MTMR12: variants seen among roughly 807,000 people sequenced by gnomAD.
MTMR12 encodes the protein myotubularin-related protein 12.
Under a neutral mutation model 96.7 loss-of-function variants are expected in MTMR12, and 33 were observed. That is an observed-to-expected ratio of 0.34 (90% confidence interval 0.26 to 0.46). The LOEUF (loss-of-function observed/expected upper bound fraction) is 0.46, where lower values mean the gene tolerates loss of function less well. MTMR12 is among the 20% of genes least tolerant of loss of function. The pLI, the probability that MTMR12 is intolerant of heterozygous loss-of-function variation, is 1.00. For missense variants in MTMR12, 721 were observed against 896.1 expected, an observed-to-expected ratio of 0.80 and a Z score of 2.49; for synonymous variants, 298 against 327.2, an observed-to-expected ratio of 0.91 and a Z score of 0.96.
chr5:32,259,864 C>T (rs1212745280), intron 7 of MTMR12, among the ~76,000 whole-genome samples: 2 of 151,826 alleles, frequency 1.3e-5, no homozygotes, highest in Non-Finnish European at 2.9e-5. Flanking sequence ...GGTGAAACCC[C>T]GTCTCTACCA....
rs1244420476 is a variant in MTMR12, at chr5:32,228,516, AATATATATCATATATATGAT to A, written c.*1242_*1261del. Reference sequence around the variant, plus strand: ...AAGTATACTTTCCTGCATTAAAAAAAATATATATCATATATATGATATATATATCATATATATGTGATATA... The same window carrying A: ...AAGTATACTTTCCTGCATTAAAAAAAATATATATCATATATATGTGATATA... On this transcript the variant is annotated 3_prime_UTR_variant, in exon 16 of 16. Coordinates refer to ENST00000382142, the MANE Select transcript of MTMR12 (RefSeq NM_001040446.3). 3.6e-4 allele frequency: 39 copies of A among 108,226 alleles called. No homozygotes were observed. The highest frequency in any genetic ancestry group is 1.0e-3 in the South Asian group (3 of 2,936). 6.7% of individuals were successfully genotyped at this position (108,226 alleles called of 1,614,324 possible). A position where few individuals can be genotyped will look rare whatever the true frequency, so the allele number is the denominator to read the frequency against.
intron 15 of MTMR12, among the ~76,000 whole-genome samples, chr5:32,232,804 A>G (rs1222350848): frequency 6.6e-6 from 1 of 152,224 alleles, no homozygotes; most frequent in Non-Finnish European, 1.5e-5. Flanking sequence ...AGCAGCCAAC[A>G]TCGTCTCTGC....
rs1240355563 is a variant in MTMR12, at chr5:32,246,171, T to TTTTTTTTTTTTTG, written c.1021+1830_1021+1831insCAAAAAAAAAAAA. 2.1e-3 allele frequency among the ~76,000 whole-genome samples: 265 copies of TTTTTTTTTTTTTG among 123,480 alleles called. 5 individuals are homozygous for TTTTTTTTTTTTTG. The highest frequency in any genetic ancestry group is 9.3e-3 in the African/African-American group (238 of 25,582). 81.0% of individuals were successfully genotyped at this position (123,480 alleles called of 152,430 possible). On this transcript the variant is annotated intron_variant, in intron 10 of 15. Coordinates refer to ENST00000382142, the MANE Select transcript of MTMR12 (RefSeq NM_001040446.3). ...GTTTCGGTGCCTATTGAGTAGACAG[T>TTTTTTTTTTTTTG]TTTTTTTTTTTTTGAGATGGAGTCT...
At position 32,229,587 on chromosome 5, in the gene MTMR12, G is replaced by C. The variant is rs184629783; in HGVS notation, c.*191C>G. On this transcript the variant is annotated 3_prime_UTR_variant, in exon 16 of 16. Transcript: ENST00000382142. ...TTCCAATTAGTAATACTACAGATGC[G>C]GTTTTAATTGCATAGTCTTTTAGAA... is the stretch of plus-strand genomic sequence containing the variant. The C allele has an allele frequency of 2.2e-6, 1 of 460,902 alleles. No homozygotes were observed. Among genetic ancestry groups the C allele is most frequent in the Non-Finnish European group, 3.7e-6 (1 of 273,434 alleles). 28.6% of individuals were successfully genotyped at this position (460,902 alleles called of 1,614,324 possible). A position where few individuals can be genotyped will look rare whatever the true frequency, so the allele number is the denominator to read the frequency against.
chr5:32,233,831 G>T lies in MTMR12; in HGVS notation c.1616C>A (p.Pro539His), dbSNP rs759787590. The part of the protein sequence containing the change: ...EPKAQTLLKN[P>H]LYVEKPKLDK... ...CAGTTTTGGCTTTTCCACATAAAGA[G>T]GGTTTTTGAGCAATGTCTGGGCTTT... The change falls in exon 15 of 16, where the codon CCT becomes CAT. Residue 539 changes from proline (P) to histidine (H), a missense_variant. Pro to His is a moderately conservative substitution (Grantham distance 77). Transcript: ENST00000382142. The surrounding 1 kb of genome is among the most constrained non-coding windows in gnomAD (Gnocchi z 5.0). 11 of 1,614,186 alleles carry T rather than the reference G, an allele frequency of 6.8e-6. 1 individual carries two copies. The South Asian group carries it at 1.2e-4, about 18-fold the overall frequency.
chr5:32,279,070 C>G (rs1750175648), intron 1 of MTMR12, among the ~76,000 whole-genome samples: 1 of 78,718 alleles, frequency 1.3e-5, no homozygotes, highest in Non-Finnish European at 2.3e-5. Context: ...GAGCGAAACT[C>G]TGTCTCAAAA....
chr5:32,250,089 T>TA (rs1358181685), intron 8 of MTMR12, among the ~76,000 whole-genome samples: 3 of 152,172 alleles, frequency 2.0e-5, no homozygotes, highest in African/African-American at 4.8e-5. Context: ...GACCGAGAGT[T>TA]AGAGATCGGC....
chr5:32,277,709 A>C (rs2112098149), intron 1 of MTMR12, among the ~76,000 whole-genome samples: 1 of 152,274 alleles, frequency 6.6e-6, no homozygotes, highest in South Asian at 2.1e-4. Flanking sequence ...AAAAAAAAGA[A>C]AAAGAAAGAA....
intron 1 of MTMR12, among the ~76,000 whole-genome samples, chr5:32,291,008 A>G (rs557252679): frequency 2.0e-5 from 3 of 152,102 alleles, no homozygotes; most frequent in Admixed American, 6.5e-5. Flanking sequence ...TCCATCATCA[A>G]ATGGAAGTGG....
intron 1 of MTMR12, among the ~76,000 whole-genome samples, chr5:32,277,186 A>G (rs941214640): frequency 6.6e-6 from 1 of 152,052 alleles, no homozygotes; most frequent in Non-Finnish European, 1.5e-5. Context: ...TGCCTGGCCC[A>G]AGCTAGATAC....
intron 2 of MTMR12, 31 bp from the exon 3 acceptor site, chr5:32,274,153 A>T: frequency 6.2e-7 from 1 of 1,610,576 alleles, no homozygotes; most frequent in Non-Finnish European, 8.5e-7. Flanking sequence ...TCCTCCTTAG[A>T]GTTCTCAGGG....
intron 8 of MTMR12, among the ~76,000 whole-genome samples, chr5:32,252,050 C>T (rs752046681): frequency 3.9e-5 from 6 of 152,166 alleles, no homozygotes; most frequent in Non-Finnish European, 5.9e-5. Context: ...TTTCACGGTC[C>T]GTTAAGCACA....
At chr5:32,287,700 A>C (rs962730559) in intron 1 of MTMR12, among the ~76,000 whole-genome samples, 15 of 152,146 alleles carry the variant, frequency 9.9e-5, no homozygotes, top group Non-Finnish European at 2.2e-4. Context: ...GATTAGACCC[A>C]AAAATGCTAA....
At chr5:32,271,782 C>T in intron 4 of MTMR12, 51 bp downstream of exon 4, 1 of 1,054,002 alleles carries the variant, frequency 9.5e-7, no homozygotes. Flanking sequence ...TTATCATTAT[C>T]ACCTATACTC....
At chr5:32,291,047 T>C (rs1750721553) in intron 1 of MTMR12, among the ~76,000 whole-genome samples, 1 of 152,156 alleles carries the variant, frequency 6.6e-6, no homozygotes, top group Admixed American at 6.5e-5. Flanking sequence ...CGAGCAGATC[T>C]TGAAGGCACA....
chr5:32,230,051 T>C lies in MTMR12; in HGVS notation c.1971A>G (p.Gln657=). 2 of 1,613,504 alleles carry C rather than the reference T, an allele frequency of 1.2e-6. No individual in the cohort carries two copies. Among genetic ancestry groups the C allele is most frequent in the Non-Finnish European group, 8.5e-7 (1 of 1,179,458 alleles). ...CCAAGAGTTTGCTCAGAGTGGCCAC[T>C]TGGCCACCACCTAGGATTTGGGCTT... is the stretch of plus-strand genomic sequence containing the variant. The part of the protein sequence containing the change: ...IPEAQILGGG[Q]VATLSKLLEM... Residue 657 remains glutamine, a synonymous_variant, in exon 16 of 16, where the codon CAA becomes CAG. Transcript: ENST00000382142.
chr5:32,235,668 G>T (rs541280838), intron 13 of MTMR12, among the ~76,000 whole-genome samples: 1 of 152,280 alleles, frequency 6.6e-6, no homozygotes, highest in East Asian at 1.9e-4. Context: ...CCGCAGTGAG[G>T]GCCCAGAAGA....
At chr5:32,291,485 GA>G (rs768675442) in intron 1 of MTMR12, among the ~76,000 whole-genome samples, 175 of 152,336 alleles carry the variant, frequency 1.1e-3, no homozygotes, top group Non-Finnish European at 1.8e-3. Flanking sequence ...GAGTTATATG[GA>G]TGGTCCTCTC....
At position 32,263,154 on chromosome 5, in the gene MTMR12, G is replaced by A. The variant is rs748134235; in HGVS notation, c.672C>T (p.Tyr224=). 2.5e-6 allele frequency: 4 copies of A among 1,614,178 alleles called. No individual in the cohort carries two copies. The Admixed American group carries it at 5.0e-5, about 20-fold the overall frequency. ...AGCCTTCGTTGACACTCACTGCTTT[G>A]TACTTCATGTTGCCTTTGGTCCGTT... ...ELERTKGNMK[Y]KAVSVNEGYK... is the part of the protein sequence containing the mutation. Residue 224 remains tyrosine (Y), a synonymous_variant, in exon 7 of 16, where the codon TAC becomes TAT. Coordinates refer to ENST00000382142, the MANE Select transcript of MTMR12 (RefSeq NM_001040446.3).
Sources: allele counts gnomAD v4.1 joint callset (sites outside exome capture counted in the v4.1 genomes callset), GRCh38; gene constraint gnomAD v4.1.1; non-coding constraint Gnocchi (gnomAD v3.1); transcripts MANE v1.5; gene names NCBI Gene and HGNC (gene_info 2026-07-23, HGNC 2026-07-21).